The following AGBL4 variants were observed in gnomAD, a reference collection of about 807,000 sequenced individuals.
AGBL4 encodes the protein cytosolic carboxypeptidase 6.
A neutral mutation model predicts 66.4 loss-of-function variants in AGBL4; 58 were observed. The ratio of observed to expected loss-of-function variants is 0.87; its 90% confidence interval spans 0.71 to 1.09. AGBL4 has a LOEUF of 1.09. Among genes scored for constraint, AGBL4 ranks in the 50% least tolerant of loss-of-function variants. The pLI is 0.00. For synonymous variants in AGBL4, 234 were observed against 222.9 expected (o/e 1.05, Z -0.44); for missense variants, 579 against 631.0 (o/e 0.92, Z 0.88).
chr1:49,413,640 T>C (rs965143299), intron 3 of AGBL4, among the ~76,000 whole-genome samples: 1 of 152,190 alleles, frequency 6.6e-6, no homozygotes, highest in African/African-American at 2.4e-5. Flanking sequence ...AGTCTTTCAC[T>C]GGATCTGGCC....
intron 4 of AGBL4, among the ~76,000 whole-genome samples, chr1:49,133,104 T>C (rs963058403): frequency 2.6e-5 from 4 of 152,238 alleles, no homozygotes; most frequent in African/African-American, 7.2e-5. Flanking sequence ...TGGATGAAGC[T>C]AGAAACCATC....
intron 5 of AGBL4, among the ~76,000 whole-genome samples, chr1:49,030,263 A>G (rs910782640): frequency 6.6e-6 from 1 of 152,118 alleles, no homozygotes; most frequent in Non-Finnish European, 1.5e-5. Context: ...TGCTCTTATG[A>G]AAACACACTA....
intron 2 of AGBL4, among the ~76,000 whole-genome samples, chr1:49,765,316 AAACCTGCC>A (rs1220156057): frequency 3.3e-5 from 5 of 152,032 alleles, no homozygotes; most frequent in Admixed American, 2.0e-4. Flanking sequence ...GCTCAATACA[AAACCTGCC>A]AACAGAAGTT....
chr1:49,686,255 G>A (rs563009314), intron 3 of AGBL4, among the ~76,000 whole-genome samples: 1 of 152,118 alleles, frequency 6.6e-6, no homozygotes, highest in African/African-American at 2.4e-5. Flanking sequence ...CCCCCGCCAC[G>A]GCCCCACTGA....
chr1:49,877,823 G>A (rs1647067359), intron 1 of AGBL4, among the ~76,000 whole-genome samples: 1 of 151,298 alleles, frequency 6.6e-6, no homozygotes, highest in Non-Finnish European at 1.5e-5. Flanking sequence ...ATTGATTATT[G>A]CCACAATTTC....
chr1:49,469,535 T>C (rs1404244288), intron 3 of AGBL4, among the ~76,000 whole-genome samples: 1 of 151,842 alleles, frequency 6.6e-6, no homozygotes, highest in African/African-American at 2.4e-5. Context: ...CACTTTGGTA[T>C]GTTTTGCATT....
intron 1 of AGBL4, among the ~76,000 whole-genome samples, chr1:49,902,324 A>G (rs1649837801): frequency 6.6e-6 from 1 of 152,200 alleles, no homozygotes; most frequent in South Asian, 2.1e-4. Context: ...AAGGACCTTA[A>G]AGAAATTCAC....
intron 7 of AGBL4, among the ~76,000 whole-genome samples, chr1:48,659,902 C>T (rs1471472739): frequency 1.3e-5 from 2 of 152,230 alleles, no homozygotes; most frequent in Admixed American, 1.3e-4. Context: ...TGTCAGTCTT[C>T]ACAACAACGC....
chr1:48,591,036 T>C, intron 9 of AGBL4, 51 bp from the exon 10 acceptor site: 2 of 1,530,700 alleles, frequency 1.3e-6, no homozygotes, highest in African/African-American at 1.4e-5. Context: ...AGAGCTTGTG[T>C]ATAAGGGACC....
intron 6 of AGBL4, among the ~76,000 whole-genome samples, chr1:48,822,875 T>G (rs1646346584): frequency 6.6e-6 from 1 of 152,346 alleles, no homozygotes; most frequent in South Asian, 2.1e-4. Context: ...ATTAGACTTC[T>G]ATTAACACAG....
chr1:49,134,086 G>A (rs1645956990), intron 4 of AGBL4, among the ~76,000 whole-genome samples: 1 of 151,964 alleles, frequency 6.6e-6, no homozygotes, highest in South Asian at 2.1e-4. Flanking sequence ...TCACATGTCG[G>A]CAGGTTCCAT....
chr1:49,950,401 AG>A (rs1039178105), intron 1 of AGBL4, among the ~76,000 whole-genome samples: 1 of 151,214 alleles, frequency 6.6e-6, no homozygotes, highest in Non-Finnish European at 1.5e-5. Context: ...TCGTGGATTC[AG>A]GGGGAAAGGG....
At chr1:49,719,351 C>T (rs900182037) in intron 2 of AGBL4, among the ~76,000 whole-genome samples, 1 of 152,128 alleles carries the variant, frequency 6.6e-6, no homozygotes, top group Non-Finnish European at 1.5e-5. Context: ...TGTTCACCTA[C>T]GTGAGAGAAA....
At chr1:48,677,209 G>A (rs1038064091) in intron 6 of AGBL4, among the ~76,000 whole-genome samples, 2 of 152,206 alleles carry the variant, frequency 1.3e-5, no homozygotes, top group African/African-American at 4.8e-5. Context: ...CTCAGACACA[G>A]TCTTTTCCTT....
intron 3 of AGBL4, among the ~76,000 whole-genome samples, chr1:49,258,817 T>G (rs1328396538): frequency 1.3e-5 from 2 of 152,096 alleles, no homozygotes; most frequent in Non-Finnish European, 2.9e-5. Flanking sequence ...GCCACAAAGA[T>G]ACTCCTTGAG....
At chr1:49,414,616 T>C (rs1315487856) in intron 3 of AGBL4, among the ~76,000 whole-genome samples, 1 of 152,178 alleles carries the variant, frequency 6.6e-6, no homozygotes, top group Non-Finnish European at 1.5e-5. Flanking sequence ...CTAGTCTCCA[T>C]GGAGCTACAG....
At chr1:49,643,584 A>G (rs1241175997) in intron 3 of AGBL4, among the ~76,000 whole-genome samples, 1 of 151,786 alleles carries the variant, frequency 6.6e-6, no homozygotes, top group Non-Finnish European at 1.5e-5. Flanking sequence ...GTAACTACAG[A>G]AAAAGAGAGG....
At chr1:49,499,852 G>T (rs1175922133) in intron 3 of AGBL4, among the ~76,000 whole-genome samples, 15 of 151,924 alleles carry the variant, frequency 9.9e-5, no homozygotes, top group Admixed American at 9.2e-4. Flanking sequence ...GCATGTGCAA[G>T]TGTCTATCAT....
At chr1:49,671,184 C>T (rs1488086759) in intron 3 of AGBL4, among the ~76,000 whole-genome samples, 1 of 151,892 alleles carries the variant, frequency 6.6e-6, no homozygotes, top group Admixed American at 6.6e-5. Flanking sequence ...AATAAAGCCT[C>T]ACATGACCAT....
Sources: gnomAD v4.1 joint callset for allele counts (sites outside exome capture counted in the v4.1 genomes callset) on GRCh38, gnomAD v4.1.1 for gene constraint, MANE v1.5 for transcripts, NCBI Gene and HGNC (gene_info 2026-07-23, HGNC 2026-07-21) for gene names.